Variants in RIT2 observed in about 807,000 individuals in gnomAD.
The protein encoded by RIT2 is Ras like without CAAX 2, also known as GTP-binding protein Rit2.
RIT2 carries 24 observed loss-of-function variants against 23.7 expected under a neutral mutation model. That is an observed-to-expected ratio of 1.01 (90% confidence interval 0.73 to 1.43). RIT2 has a LOEUF of 1.43. RIT2 is among the 40% of genes most tolerant of loss of function. RIT2 has a pLI of 0.00. For missense variants in RIT2, 236 were observed against 266.9 expected (o/e 0.88, Z 0.81); for synonymous variants, 107 against 91.1 (o/e 1.17, Z -0.99).
intron 3 of RIT2, among the ~76,000 whole-genome samples, chr18:42,943,629 G>A (rs566789978): frequency 2.0e-5 from 3 of 152,128 alleles, no homozygotes; most frequent in East Asian, 3.9e-4. Context: ...TTTAGAAGTG[G>A]TTTGGGTCTT....
chr18:42,849,890 C>T (rs1942015849), intron 4 of RIT2, among the ~76,000 whole-genome samples: 1 of 152,138 alleles, frequency 6.6e-6, no homozygotes, highest in African/African-American at 2.4e-5. Context: ...CCATTTCACC[C>T]TCTTGGTCCT....
chr18:42,911,527 T>A (rs1191487262), intron 4 of RIT2, among the ~76,000 whole-genome samples: 2 of 152,072 alleles, frequency 1.3e-5, no homozygotes, highest in Non-Finnish European at 2.9e-5. Flanking sequence ...ATAGTGAATA[T>A]GTTAATTTGT....
At chr18:42,908,586 C>A (rs1192945649) in intron 4 of RIT2, among the ~76,000 whole-genome samples, 1 of 152,082 alleles carries the variant, frequency 6.6e-6, no homozygotes, top group East Asian at 1.9e-4. Flanking sequence ...GGTTTAATGA[C>A]AGAATCTGTC....
chr18:43,053,120 T>C (rs907514576), intron 1 of RIT2, among the ~76,000 whole-genome samples: 11 of 152,044 alleles, frequency 7.2e-5, no homozygotes, highest in Admixed American at 7.2e-4. Flanking sequence ...GAAGTCAGGG[T>C]ACCAGGATTT....
At chr18:43,065,679 C>T (rs1258031209) in intron 1 of RIT2, among the ~76,000 whole-genome samples, 4 of 152,054 alleles carry the variant, frequency 2.6e-5, no homozygotes, top group Non-Finnish European at 5.9e-5. Flanking sequence ...TGGTTAGACA[C>T]ATATTCCTGC....
intron 1 of RIT2, among the ~76,000 whole-genome samples, chr18:43,113,497 C>G (rs1371414076): frequency 2.0e-5 from 3 of 152,132 alleles, no homozygotes; most frequent in African/African-American, 7.2e-5. Context: ...TGAGAGCAAG[C>G]CAGGCCACTC....
chr18:42,910,388 G>A (rs1908736571), intron 4 of RIT2, among the ~76,000 whole-genome samples: 1 of 152,056 alleles, frequency 6.6e-6, no homozygotes, highest in Non-Finnish European at 1.5e-5. Context: ...CAGCAGGCAG[G>A]GAAATACTGG....
intron 1 of RIT2, among the ~76,000 whole-genome samples, chr18:43,079,208 C>A (rs1043526640): frequency 6.6e-6 from 1 of 152,114 alleles, no homozygotes; most frequent in Non-Finnish European, 1.5e-5. Context: ...AAACTAAAAT[C>A]ACAAAGCTTG....
intron 3 of RIT2, among the ~76,000 whole-genome samples, chr18:42,941,988 T>C (rs1040974808): frequency 6.6e-6 from 1 of 152,078 alleles, no homozygotes; most frequent in Non-Finnish European, 1.5e-5. Context: ...ATTTCCATTA[T>C]AGCAGTTTAT....
intron 4 of RIT2, among the ~76,000 whole-genome samples, chr18:42,756,321 G>A (rs147616845): frequency 6.6e-6 from 1 of 152,098 alleles, no homozygotes; most frequent in African/African-American, 2.4e-5. Flanking sequence ...TAAATTAAAT[G>A]GTGTAGCCAG....
chr18:43,048,150 C>T (rs1912291901), intron 1 of RIT2, among the ~76,000 whole-genome samples: 1 of 152,140 alleles, frequency 6.6e-6, no homozygotes, highest in Non-Finnish European at 1.5e-5. Flanking sequence ...AAGCCAGTTC[C>T]TTTAACAACC....
intron 3 of RIT2, among the ~76,000 whole-genome samples, chr18:42,936,555 A>G (rs1909463645): frequency 6.6e-6 from 1 of 152,184 alleles, no homozygotes; most frequent in Admixed American, 6.5e-5. Context: ...ACATCTTTCT[A>G]ACTACTCGGA....
chr18:42,884,828 C>T (rs556642838), intron 4 of RIT2, among the ~76,000 whole-genome samples: 1 of 152,182 alleles, frequency 6.6e-6, no homozygotes, highest in Non-Finnish European at 1.5e-5. Context: ...GTGGATATCA[C>T]ATAAGACCAC....
At chr18:42,882,712 G>A (rs1907925975) in intron 4 of RIT2, among the ~76,000 whole-genome samples, 1 of 152,140 alleles carries the variant, frequency 6.6e-6, no homozygotes, top group Non-Finnish European at 1.5e-5. Context: ...TCTGACAAAT[G>A]GGGTAGTAGG....
chr18:42,750,642 G>T (rs1019076428), intron 4 of RIT2, among the ~76,000 whole-genome samples: 4 of 151,668 alleles, frequency 2.6e-5, no homozygotes, highest in Non-Finnish European at 4.4e-5. Context: ...GTTGAGTCTG[G>T]TTAGGTTATG....
chr18:43,038,161 C>T lies in RIT2; in HGVS notation c.104-4294G>A, dbSNP rs551681215. Among the ~76,000 whole-genome samples the T allele has an allele frequency of 9.7e-4, 142 of 145,902 alleles. 1 individual carries two copies. The highest frequency in any genetic ancestry group is 1.5e-3 in the Non-Finnish European group (103 of 67,090). Reference sequence around the variant, plus strand: ...CAGAGCTTGCAGTGAGAAGAGATTGCGCCACTGCACTCCAGCCTGGGCGAC... The same window carrying T: ...CAGAGCTTGCAGTGAGAAGAGATTGTGCCACTGCACTCCAGCCTGGGCGAC... On this transcript the variant is annotated intron_variant, in intron 1 of 4. Coordinates refer to ENST00000326695, the MANE Select transcript of RIT2 (RefSeq NM_002930.4).
At chr18:43,059,983 C>T (rs1203106403) in intron 1 of RIT2, among the ~76,000 whole-genome samples, 1 of 152,080 alleles carries the variant, frequency 6.6e-6, no homozygotes, top group Non-Finnish European at 1.5e-5. Flanking sequence ...TAGAGAAGTT[C>T]CAGGAAGTTT....
At chr18:42,856,256 G>A (rs1907179018) in intron 4 of RIT2, among the ~76,000 whole-genome samples, 1 of 152,212 alleles carries the variant, frequency 6.6e-6, no homozygotes, top group Admixed American at 6.5e-5. Flanking sequence ...CCTTTGTTCA[G>A]GAGAGAGTCC....
chr18:43,001,326 AG>A (rs1269205744), intron 2 of RIT2, among the ~76,000 whole-genome samples: 1 of 152,014 alleles, frequency 6.6e-6, no homozygotes, highest in African/African-American at 2.4e-5. Context: ...TTGTGGCTCT[AG>A]GGGACATAAA....
Sources: gnomAD v4.1 joint callset for allele counts (sites outside exome capture counted in the v4.1 genomes callset) on GRCh38, gnomAD v4.1.1 for gene constraint, MANE v1.5 for transcripts, NCBI Gene and HGNC (gene_info 2026-07-23, HGNC 2026-07-21) for gene names.